The following ZHX2 variants were observed in gnomAD, a reference collection of about 807,000 sequenced individuals.
ZHX2 encodes zinc fingers and homeoboxes 2, also known as zinc fingers and homeoboxes protein 2.
Under a neutral mutation model 21.9 loss-of-function variants are expected in ZHX2, and 6 were observed. The ratio of observed to expected loss-of-function variants is 0.27; its 90% confidence interval spans 0.15 to 0.54. The LOEUF (loss-of-function observed/expected upper bound fraction) is 0.54, where lower values mean the gene tolerates loss of function less well. Among genes scored for constraint, ZHX2 ranks in the 20% least tolerant of loss-of-function variants. The pLI is 0.95. For missense variants in ZHX2, 908 were observed against 1,090.7 expected, an observed-to-expected ratio of 0.83 and a Z score of 2.36; for synonymous variants, 434 against 437.1, an observed-to-expected ratio of 0.99 and a Z score of 0.09.
At chr8:122,791,263 C>A (rs1817512878) in intron 1 of ZHX2, among the ~76,000 whole-genome samples, 1 of 152,232 alleles carries the variant, frequency 6.6e-6, no homozygotes, top group African/African-American at 2.4e-5. Context: ...ATTTGCACAG[C>A]AACCCTACAG....
intron 1 of ZHX2, among the ~76,000 whole-genome samples, chr8:122,826,672 T>C (rs1818271948): frequency 6.6e-6 from 1 of 152,168 alleles, no homozygotes; most frequent in Non-Finnish European, 1.5e-5. Flanking sequence ...ACGGCACTGC[T>C]CTAGCCAAAA....
chr8:122,819,755 G>C (rs563786470), intron 1 of ZHX2, among the ~76,000 whole-genome samples: 11 of 152,242 alleles, frequency 7.2e-5, no homozygotes, highest in Non-Finnish European at 1.5e-4. Flanking sequence ...ACTCCACTGG[G>C]TCAGGCCCTT....
At chr8:122,911,261 A>C (rs1464636029) in intron 2 of ZHX2, among the ~76,000 whole-genome samples, 2 of 25,210 alleles carry the variant, frequency 7.9e-5, no homozygotes, top group East Asian at 9.8e-4. Flanking sequence ...CGGGGGTGGA[A>C]GGGGGCTTTG....
intron 1 of ZHX2, among the ~76,000 whole-genome samples, chr8:122,792,322 C>G (rs1455951681): frequency 6.6e-6 from 1 of 152,152 alleles, no homozygotes; most frequent in Non-Finnish European, 1.5e-5. Context: ...ATTTTGTTTC[C>G]TTTTATATCC....
rs1813793417 is a variant in ZHX2, at chr8:122,973,874, C to T, written c.*637C>T. On this transcript the variant is annotated 3_prime_UTR_variant, in exon 4 of 4. Coordinates refer to ENST00000314393, the MANE Select transcript of ZHX2 (RefSeq NM_014943.5). ...AATCAAATTCCTTTCCAGTTCTTCC[C>T]CTGGCTGCCTTTTTGGGGGTCCCTG... 1 of 152,598 alleles carries T rather than the reference C, an allele frequency of 6.6e-6. No individual in the cohort carries two copies. Among genetic ancestry groups the T allele is most frequent in the East Asian group, 1.9e-4 (1 of 5,188 alleles). 9.5% of individuals were successfully genotyped at this position (152,598 alleles called of 1,614,324 possible). A position where few individuals can be genotyped will look rare whatever the true frequency, so the allele number is the denominator to read the frequency against.
intron 2 of ZHX2, among the ~76,000 whole-genome samples, chr8:122,889,637 G>T (rs1354088403): frequency 6.6e-6 from 1 of 152,148 alleles, no homozygotes; most frequent in African/African-American, 2.4e-5. Flanking sequence ...TGGATGAATA[G>T]TTTGCAAACA....
At chr8:122,803,962 G>T (rs181617172) in intron 1 of ZHX2, among the ~76,000 whole-genome samples, 6 of 152,292 alleles carry the variant, frequency 3.9e-5, no homozygotes, top group Admixed American at 1.3e-4. Flanking sequence ...GGCGGGCTTT[G>T]ATCAGTACGT....
intron 2 of ZHX2, among the ~76,000 whole-genome samples, chr8:122,939,847 G>A (rs546711106): frequency 6.6e-6 from 1 of 152,232 alleles, no homozygotes; most frequent in South Asian, 2.1e-4. Context: ...GAAAGGCGCT[G>A]TAGAGGAAAA....
chr8:122,792,916 C>G (rs1817546738), intron 1 of ZHX2, among the ~76,000 whole-genome samples: 1 of 152,196 alleles, frequency 6.6e-6, no homozygotes, highest in Admixed American at 6.5e-5. Context: ...GGTCCAGGCC[C>G]TGCCACCACC....
intron 1 of ZHX2, among the ~76,000 whole-genome samples, chr8:122,827,661 G>A (rs1818290726): frequency 6.6e-6 from 1 of 152,154 alleles, no homozygotes. Flanking sequence ...ATCTTTAGGG[G>A]GTGAAAAAGG....
At chr8:122,838,892 G>C (rs1263645533) in intron 1 of ZHX2, among the ~76,000 whole-genome samples, 3 of 152,088 alleles carry the variant, frequency 2.0e-5, no homozygotes, top group Non-Finnish European at 2.9e-5. Context: ...TTTTTTTAAA[G>C]TGGTAAATGT....
At chr8:122,799,054 T>C (rs1817666815) in intron 1 of ZHX2, among the ~76,000 whole-genome samples, 1 of 152,178 alleles carries the variant, frequency 6.6e-6, no homozygotes, top group Admixed American at 6.5e-5. Context: ...TGTGCCCATG[T>C]TAAAGCTCGC....
At chr8:122,937,424 G>T (rs1812724849) in intron 2 of ZHX2, among the ~76,000 whole-genome samples, 1 of 152,284 alleles carries the variant, frequency 6.6e-6, no homozygotes, top group South Asian at 2.1e-4. Context: ...TGAGGTCTAT[G>T]TGAGAACCCC....
intron 2 of ZHX2, among the ~76,000 whole-genome samples, chr8:122,874,258 A>G (rs1255048920): frequency 2.0e-5 from 3 of 152,066 alleles, no homozygotes; most frequent in African/African-American, 7.2e-5. Context: ...GGGGTCCATT[A>G]CTCTGCCTAC....
intron 1 of ZHX2, among the ~76,000 whole-genome samples, chr8:122,824,513 A>G (rs1280852740): frequency 6.6e-6 from 1 of 152,172 alleles, no homozygotes; most frequent in Non-Finnish European, 1.5e-5. Context: ...CAGCCATTGT[A>G]CAGTGCCTGT....
Position 122,788,774 on chromosome 8 carries a change from G to A in ZHX2, c.-283+6828G>A, listed in dbSNP as rs992470699. Among the ~76,000 whole-genome samples the A allele has an allele frequency of 1.1e-4, 16 of 152,160 alleles. No individual in the cohort carries two copies. In the East Asian group the frequency reaches 1.3e-3, roughly 13 times the overall value. ...TGAGGAGAAGGGACGGTTTTAGATCGTGCTTTGGGATAGTCTGATTGCTTT... is the reference window on the plus strand; with the variant it reads ...TGAGGAGAAGGGACGGTTTTAGATCATGCTTTGGGATAGTCTGATTGCTTT... On this transcript the variant is annotated intron_variant, in intron 1 of 3. Coordinates refer to ENST00000314393, the MANE Select transcript of ZHX2 (RefSeq NM_014943.5).
chr8:122,797,696 C>T (rs1640982864), intron 1 of ZHX2, among the ~76,000 whole-genome samples: 1 of 152,154 alleles, frequency 6.6e-6, no homozygotes, highest in South Asian at 2.1e-4. Context: ...CAGTCCTGGA[C>T]TCTGAACGGC....
chr8:122,968,282 A>G (rs540628541), intron 3 of ZHX2, among the ~76,000 whole-genome samples: 12 of 152,242 alleles, frequency 7.9e-5, no homozygotes, highest in African/African-American at 2.6e-4. Flanking sequence ...TGAGGAATAT[A>G]TACCTGGCCT....
chr8:122,971,642 A>T (rs1813728186), intron 3 of ZHX2, among the ~76,000 whole-genome samples: 1 of 139,534 alleles, frequency 7.2e-6, no homozygotes. Context: ...ATTCCTTCTC[A>T]GGGCTTTCTC....
Sources: allele counts gnomAD v4.1 joint callset (sites outside exome capture counted in the v4.1 genomes callset), GRCh38; gene constraint gnomAD v4.1.1; transcripts MANE v1.5; gene names NCBI Gene and HGNC (gene_info 2026-07-23, HGNC 2026-07-21).